PPP3CA: variants seen among roughly 807,000 people sequenced by gnomAD.
PPP3CA encodes the protein CAM-PRP catalytic subunit.
A neutral mutation model predicts 66.5 loss-of-function variants in PPP3CA; 14 were observed. The ratio of observed to expected loss-of-function variants is 0.21; its 90% CI spans 0.14 to 0.33. The LOEUF is 0.33. Among genes scored for constraint, PPP3CA ranks in the 10% least tolerant of loss-of-function variants. The probability of loss-of-function intolerance (pLI) is 1.00; values close to 1 mark genes in which losing one functional copy is unlikely to be tolerated. For synonymous variants in PPP3CA, 232 were observed against 226.2 expected (o/e 1.03, Z -0.23); for missense variants, 317 against 639.5 (o/e 0.50, Z 5.44).
chr4:101,280,859 A>C (rs1458619479), intron 1 of PPP3CA, among the ~76,000 whole-genome samples: 1 of 151,816 alleles, frequency 6.6e-6, no homozygotes, highest in Admixed American at 6.6e-5. Context: ...AGTGTCATAC[A>C]TAAAAGAAGA....
intron 1 of PPP3CA, among the ~76,000 whole-genome samples, chr4:101,273,284 TAATTAA>T (rs1308776139): frequency 6.6e-6 from 1 of 152,028 alleles, no homozygotes; most frequent in African/African-American, 2.4e-5. Flanking sequence ...TAAAAGAAAA[TAATTAA>T]AATTACTTTT....
At chr4:101,168,456 GAC>G (rs1723763918) in intron 2 of PPP3CA, among the ~76,000 whole-genome samples, 1 of 152,112 alleles carries the variant, frequency 6.6e-6, no homozygotes, top group East Asian at 1.9e-4. Flanking sequence ...TCTCACAAAA[GAC>G]AATTTTTAGA....
chr4:101,268,635 T>C (rs1025035676), intron 1 of PPP3CA, among the ~76,000 whole-genome samples: 4 of 152,114 alleles, frequency 2.6e-5, no homozygotes, highest in Admixed American at 6.6e-5. Flanking sequence ...CCTCTATACC[T>C]AAATAAACCT....
chr4:101,130,238 A>G (rs1195687500), intron 2 of PPP3CA, among the ~76,000 whole-genome samples: 1 of 152,164 alleles, frequency 6.6e-6, no homozygotes, highest in Non-Finnish European at 1.5e-5. Context: ...CCTCCAAGAA[A>G]TACAGGACAA....
intron 10 of PPP3CA, among the ~76,000 whole-genome samples, chr4:101,049,250 C>A (rs1305430834): frequency 6.6e-6 from 1 of 152,024 alleles, no homozygotes; most frequent in African/African-American, 2.4e-5. Flanking sequence ...AGAATTCTAA[C>A]TGGGTGAAAA....
intron 1 of PPP3CA, among the ~76,000 whole-genome samples, chr4:101,248,427 G>A (rs1349742435): frequency 2.0e-5 from 3 of 152,102 alleles, no homozygotes; most frequent in Non-Finnish European, 4.4e-5. Flanking sequence ...CTATTCTTCA[G>A]AGAAAGTCAG....
chr4:101,046,125 T>G (rs1392838800), intron 10 of PPP3CA, among the ~76,000 whole-genome samples: 1 of 152,158 alleles, frequency 6.6e-6, no homozygotes, highest in East Asian at 1.9e-4. Flanking sequence ...TCACTGGAGT[T>G]ACATTCTCCC....
At chr4:101,178,918 A>G (rs1724149053) in intron 2 of PPP3CA, among the ~76,000 whole-genome samples, 1 of 152,078 alleles carries the variant, frequency 6.6e-6, no homozygotes, top group Non-Finnish European at 1.5e-5. Flanking sequence ...CCTCATCTTC[A>G]AAACTAGCAT....
chr4:101,240,173 G>A (rs1726261381), intron 1 of PPP3CA, among the ~76,000 whole-genome samples: 1 of 151,984 alleles, frequency 6.6e-6, no homozygotes, highest in South Asian at 2.1e-4. Flanking sequence ...TTCTAAAAGT[G>A]AGAGTACACA....
chr4:101,287,606 G>A (rs1727885369), intron 1 of PPP3CA, among the ~76,000 whole-genome samples: 1 of 152,064 alleles, frequency 6.6e-6, no homozygotes, highest in Admixed American at 6.6e-5. Context: ...AGTGCACAAA[G>A]TCCTCTGCTT....
intron 2 of PPP3CA, among the ~76,000 whole-genome samples, chr4:101,183,362 C>T (rs1267244318): frequency 6.6e-6 from 1 of 152,124 alleles, no homozygotes; most frequent in South Asian, 2.1e-4. Flanking sequence ...GCTACTTTTC[C>T]TCATACCGCA....
intron 2 of PPP3CA, among the ~76,000 whole-genome samples, chr4:101,131,488 T>TA (rs747605400): frequency 2.7e-3 from 380 of 141,606 alleles, no homozygotes; most frequent in Non-Finnish European, 4.3e-3. Context: ...CCAACAAAGA[T>TA]AAAAAAAAAG....
chr4:101,155,381 G>A (rs1723285722), intron 2 of PPP3CA, among the ~76,000 whole-genome samples: 1 of 152,186 alleles, frequency 6.6e-6, no homozygotes, highest in African/African-American at 2.4e-5. Context: ...CTTTTCCCCT[G>A]AAGAGGTAAG....
At chr4:101,059,584 C>T (rs1016837457) in intron 10 of PPP3CA, among the ~76,000 whole-genome samples, 1 of 152,094 alleles carries the variant, frequency 6.6e-6, no homozygotes, top group Non-Finnish European at 1.5e-5. Context: ...TACCCATGAC[C>T]TGTATCAAGC....
chr4:101,199,061 G>C (rs529552900), intron 1 of PPP3CA, among the ~76,000 whole-genome samples: 6 of 152,164 alleles, frequency 3.9e-5, no homozygotes, highest in Non-Finnish European at 7.3e-5. Context: ...CCGCCAGCCA[G>C]TGAAAAGTTT....
Position 101,166,993 on chromosome 4 carries a change from G to A in PPP3CA, c.259+28923C>T, listed in dbSNP as rs13128841. ...TTTCTTGTCCCTCCTTTAATTATACGTGCAATTTAGCATTTTGATCTGAAT... is the reference window on the plus strand; with the variant it reads ...TTTCTTGTCCCTCCTTTAATTATACATGCAATTTAGCATTTTGATCTGAAT... On this transcript the variant is annotated intron_variant, in intron 2 of 13. Coordinates refer to ENST00000394854, the MANE Select transcript of PPP3CA (RefSeq NM_000944.5). Among the ~76,000 whole-genome samples the A allele has an allele frequency of 7.9e-3, 1,198 of 151,948 alleles. 22 individuals carry two copies. The highest frequency in any genetic ancestry group is 0.025 in the African/African-American group (1,056 of 41,416).
intron 2 of PPP3CA, among the ~76,000 whole-genome samples, chr4:101,142,549 A>G (rs1722843542): frequency 6.6e-6 from 1 of 152,064 alleles, no homozygotes; most frequent in Admixed American, 6.6e-5. Flanking sequence ...TTTAACCCTC[A>G]CAACCTACTC....
chr4:101,123,765 C>G (rs938305075), intron 2 of PPP3CA, among the ~76,000 whole-genome samples: 6 of 152,118 alleles, frequency 3.9e-5, no homozygotes, highest in Non-Finnish European at 8.8e-5. Flanking sequence ...CAAAGAGGAG[C>G]CATGGAAGAA....
rs558902984 is a variant in PPP3CA at position 101,295,021 on chromosome 4, G to A, written c.58+51718C>T. Among the ~76,000 whole-genome samples, 238 of 152,266 alleles carry A rather than the reference G, an allele frequency of 1.6e-3. 2 individuals carry two copies. The highest frequency in any genetic ancestry group is 5.5e-3 in the African/African-American group (230 of 41,546). ...TTGGTGTGAAAGTATATTCACTCGG[G>A]CCGGGCGCGGTGGCTCACGCCTGTA... On this transcript the variant is annotated intron_variant, in intron 1 of 13. Transcript: ENST00000394854.
Sources: gnomAD v4.1 joint callset for allele counts (sites outside exome capture counted in the v4.1 genomes callset) on GRCh38, gnomAD v4.1.1 for gene constraint, MANE v1.5 for transcripts, NCBI Gene and HGNC (gene_info 2026-07-23, HGNC 2026-07-21) for gene names.